MAML3: variants seen among roughly 807,000 people sequenced by gnomAD.
MAML3 encodes mastermind like transcriptional coactivator 3.
In MAML3, 27 loss-of-function variants were observed where a neutral mutation model predicts 101.9. That is an observed-to-expected ratio of 0.27 (90% CI 0.20 to 0.37). The LOEUF (loss-of-function observed/expected upper bound fraction) is 0.37. Among genes scored for constraint, MAML3 ranks in the 10% least tolerant of loss-of-function variants. The pLI is 1.00. For synonymous variants in MAML3, 501 were observed against 555.9 expected (o/e 0.90, Z 1.39); for missense variants, 1,316 against 1,444.9 (o/e 0.91, Z 1.45).
chr4:139,970,541 T>C (rs2042046866), intron 1 of MAML3, among the ~76,000 whole-genome samples: 1 of 152,200 alleles, frequency 6.6e-6, no homozygotes, highest in South Asian at 2.1e-4. Flanking sequence ...AAGAGATTAG[T>C]AAGCAGAAGG....
At chr4:140,104,378 T>TATA (rs1160969126) in intron 1 of MAML3, among the ~76,000 whole-genome samples, 1 of 90,434 alleles carries the variant, frequency 1.1e-5, no homozygotes, top group Non-Finnish European at 2.1e-5. Flanking sequence ...ATATATATAA[T>TATA]ATATATATAT....
intron 1 of MAML3, among the ~76,000 whole-genome samples, chr4:139,951,864 G>T (rs918360859): frequency 2.6e-5 from 4 of 151,898 alleles, no homozygotes; most frequent in Non-Finnish European, 4.4e-5. Context: ...TTAAATTAAA[G>T]CTTACGAAGG....
At chr4:139,943,207 T>C (rs1219367345) in intron 1 of MAML3, among the ~76,000 whole-genome samples, 1 of 152,186 alleles carries the variant, frequency 6.6e-6, no homozygotes, top group Admixed American at 6.6e-5. Flanking sequence ...AGAATGCTGC[T>C]TCTCTTACAG....
chr4:139,765,169 C>G (rs781084078), intron 2 of MAML3, among the ~76,000 whole-genome samples: 1 of 152,196 alleles, frequency 6.6e-6, no homozygotes, highest in African/African-American at 2.4e-5. Flanking sequence ...GTTCTCATCT[C>G]CTTCTCATCT....
intron 1 of MAML3, among the ~76,000 whole-genome samples, chr4:139,968,321 A>AAAAAG (rs1734176045): frequency 6.6e-6 from 1 of 151,058 alleles, no homozygotes; most frequent in African/African-American, 2.4e-5. Context: ...AAAAAAAAAA[A>AAAAAG]AAAAAGAAAA....
At chr4:140,058,441 G>C (rs35366442) in intron 1 of MAML3, among the ~76,000 whole-genome samples, 1 of 151,866 alleles carries the variant, frequency 6.6e-6, no homozygotes, top group African/African-American at 2.4e-5. Flanking sequence ...TCTTTGCTAA[G>C]AAAAGAGAAC....
chr4:140,152,321 C>A (rs1181806236), intron 1 of MAML3, among the ~76,000 whole-genome samples: 3 of 152,226 alleles, frequency 2.0e-5, no homozygotes, highest in Non-Finnish European at 2.9e-5. Context: ...AGGCGAGAGG[C>A]TCTCCTTCCC....
rs139006499 is a variant in MAML3, at chr4:140,097,591, A to T, written c.468+55269T>A. ...AAAATCTTCCTGAAACCGGATACTG[A>T]AGAAGGAATGTACTGAAGGAAGACG... On this transcript the variant is annotated intron_variant, in intron 1 of 4. Transcript: ENST00000509479. 3.3e-4 allele frequency among the ~76,000 whole-genome samples: 51 copies of T among 152,282 alleles called. No homozygotes were observed. In the East Asian group the frequency reaches 9.1e-3, roughly 27 times the overall value.
intron 2 of MAML3, among the ~76,000 whole-genome samples, chr4:139,817,706 C>T (rs1294600011): frequency 6.6e-6 from 1 of 152,126 alleles, no homozygotes; most frequent in Non-Finnish European, 1.5e-5. Context: ...TATCACACTC[C>T]TCCTTGAAAC....
chr4:139,754,189 G>A (rs139639814), intron 2 of MAML3, among the ~76,000 whole-genome samples: 28 of 152,262 alleles, frequency 1.8e-4, no homozygotes, highest in African/African-American at 6.7e-4. Context: ...GCAAAACAAA[G>A]GTGTATTAGG....
At chr4:139,734,559 T>C (rs1728852539) in intron 2 of MAML3, among the ~76,000 whole-genome samples, 1 of 152,214 alleles carries the variant, frequency 6.6e-6, no homozygotes, top group African/African-American at 2.4e-5. Context: ...GAACCTATTT[T>C]ACATATCTTC....
chr4:139,793,175 G>C (rs1040838660), intron 2 of MAML3, among the ~76,000 whole-genome samples: 3 of 152,060 alleles, frequency 2.0e-5, no homozygotes, highest in Admixed American at 2.0e-4. Context: ...CTATGCTCTT[G>C]AGCCACACCT....
At chr4:139,962,273 C>T (rs1395255210) in intron 1 of MAML3, among the ~76,000 whole-genome samples, 1 of 152,150 alleles carries the variant, frequency 6.6e-6, no homozygotes, top group Non-Finnish European at 1.5e-5. Flanking sequence ...GTTTAGCCTA[C>T]AAAACTCACT....
At chr4:140,136,598 C>A (rs1014518593) in intron 1 of MAML3, among the ~76,000 whole-genome samples, 6 of 152,176 alleles carry the variant, frequency 3.9e-5, no homozygotes, top group African/African-American at 1.4e-4. Flanking sequence ...AGTAATTTAA[C>A]CGAACCCATG....
At chr4:139,808,066 C>T (rs953223432) in intron 2 of MAML3, among the ~76,000 whole-genome samples, 2 of 152,324 alleles carry the variant, frequency 1.3e-5, no homozygotes, top group Non-Finnish European at 2.9e-5. Context: ...TCTCTATCCA[C>T]GGGCACAATG....
intron 2 of MAML3, among the ~76,000 whole-genome samples, chr4:139,786,496 G>A (rs1216984890): frequency 1.3e-5 from 2 of 152,188 alleles, no homozygotes; most frequent in Non-Finnish European, 2.9e-5. Context: ...GTTGTTTTCT[G>A]TTGGCTAAAT....
At chr4:140,118,045 A>G (rs1218726265) in intron 1 of MAML3, among the ~76,000 whole-genome samples, 2 of 152,202 alleles carry the variant, frequency 1.3e-5, no homozygotes, top group Non-Finnish European at 2.9e-5. Context: ...TTCTAAAATG[A>G]GAATCATGAC....
intron 1 of MAML3, among the ~76,000 whole-genome samples, chr4:140,069,816 T>TA (rs1157399266): frequency 0.05 from 7,176 of 144,006 alleles, 410 homozygotes; most frequent in African/African-American, 0.14. Flanking sequence ...CTGGAGTCCT[T>TA]AAAAAAAAAA....
At chr4:139,850,491 T>C (rs914909591) in intron 2 of MAML3, among the ~76,000 whole-genome samples, 1 of 152,206 alleles carries the variant, frequency 6.6e-6, no homozygotes, top group African/African-American at 2.4e-5. Flanking sequence ...ATAAGCTAGG[T>C]TGTTATCAAC....
Sources: gnomAD v4.1 joint callset for allele counts (sites outside exome capture counted in the v4.1 genomes callset) on GRCh38, gnomAD v4.1.1 for gene constraint, MANE v1.5 for transcripts, NCBI Gene and HGNC (gene_info 2026-07-23, HGNC 2026-07-21) for gene names.